Variants in FAAH2 observed in about 807,000 individuals in gnomAD.
FAAH2 encodes fatty acid amide hydrolase 2.
A neutral mutation model predicts 36.9 loss-of-function variants in FAAH2; 60 were observed. The observed-to-expected ratio is 1.63, with a 90% CI of 1.32 to 2.02. The LOEUF (loss-of-function observed/expected upper bound fraction) is 2.02, where lower values mean the gene tolerates loss of function less well. Among genes scored for constraint, FAAH2 ranks in the 30% most tolerant of loss-of-function variants. The pLI is 0.00. For missense variants in FAAH2, 689 were observed against 397.5 expected, an observed-to-expected ratio of 1.73 and a Z score of -6.23; for synonymous variants, 214 against 143.8, an observed-to-expected ratio of 1.49 and a Z score of -3.49.
In FAAH2 at chrX:57,406,430, G is replaced by A. The variant is rs752282722; in HGVS notation, c.996+25401G>A. On this transcript the variant is annotated intron_variant, in intron 7 of 10. Transcript: ENST00000374900. The stretch of plus-strand genomic sequence containing the variant: ...ATGCGTAAGAGCCAGCTTACCCTGG[G>A]GTACTCTAATGAATTATGGAAACAC... Among the ~76,000 whole-genome samples the A allele has an allele frequency of 3.6e-5, 4 of 111,610 alleles. No individual in the cohort carries two copies. The East Asian group carries it at 1.1e-3, about 32-fold the overall frequency.
At chrX:57,364,443 CTTT>C (rs1225398163) in intron 5 of FAAH2, among the ~76,000 whole-genome samples, 1 of 73,311 alleles carries the variant, frequency 1.4e-5, no homozygotes, top group Non-Finnish European at 2.6e-5. Context: ...GGATCTTCTC[CTTT>C]TTTTTTTTTT....
intron 10 of FAAH2, among the ~76,000 whole-genome samples, chrX:57,488,352 A>G (rs1249000856): frequency 2.7e-5 from 3 of 112,028 alleles, no homozygotes; most frequent in African/African-American, 9.7e-5. Flanking sequence ...ATTTAAGAAT[A>G]TATTATTCTA....
Position 57,488,868 on chromosome X carries a change from C to T in FAAH2, c.1535C>T (p.Thr512Ile). ...VVAGPFNDHL[T>I]LAVAQYLEKT... ...GCTGGACCCTTTAATGATCATCTGA[C>T]CCTGGCTGTGGCCCAGTACTTGGAG... Residue 512 changes from threonine to isoleucine, a missense_variant, in exon 11 of 11, where the codon ACC (threonine) becomes ATC (isoleucine). Thr to Ile is a moderately conservative substitution (Grantham distance 89, BLOSUM62 -1). Coordinates refer to ENST00000374900, the MANE Select transcript of FAAH2 (RefSeq NM_174912.4). 3.3e-6 allele frequency: 4 copies of T among 1,210,910 alleles called. No individual in the cohort carries two copies. Among genetic ancestry groups the T allele is most frequent in the African/African-American group, 1.7e-5 (1 of 57,588 alleles).
chrX:57,216,067 C>T, the FAAH2 span, among the ~76,000 whole-genome samples: 1 of 107,893 alleles, frequency 9.3e-6, no homozygotes, highest in Non-Finnish European at 1.9e-5. Context: ...AAATCAGAAA[C>T]GAAAATCCAT....
chrX:57,367,404 G>T (rs918909270), intron 5 of FAAH2, among the ~76,000 whole-genome samples: 1 of 112,203 alleles, frequency 8.9e-6, no homozygotes, highest in Non-Finnish European at 1.9e-5. Context: ...GCTAGTCATT[G>T]TATTCTTTAC....
chrX:57,448,339 A>G (rs1010549012), intron 9 of FAAH2, among the ~76,000 whole-genome samples, 185 bp from the exon 10 acceptor site: 2 of 112,635 alleles, frequency 1.8e-5, no homozygotes, highest in East Asian at 5.5e-4. Flanking sequence ...TAGAAATGTT[A>G]TATATAGCAT....
chrX:57,476,285 G>A, intron 10 of FAAH2, among the ~76,000 whole-genome samples: 1 of 111,018 alleles, frequency 9.0e-6, no homozygotes, highest in Admixed American at 9.7e-5. Context: ...GGGTTTCAAA[G>A]GGAATGCTTC....
chrX:57,220,384 C>A, the FAAH2 span, among the ~76,000 whole-genome samples: 2 of 110,708 alleles, frequency 1.8e-5, no homozygotes. Flanking sequence ...TGCCACCTTA[C>A]GCCTCTGTCT....
the FAAH2 span, among the ~76,000 whole-genome samples, chrX:57,171,634 C>T: frequency 9.0e-6 from 1 of 111,110 alleles, no homozygotes; most frequent in South Asian, 3.8e-4. Context: ...CTGATTTGTT[C>T]GAGTTCCTTG....
At chrX:57,388,145 A>G (rs1414067675) in intron 7 of FAAH2, among the ~76,000 whole-genome samples, 1 of 111,759 alleles carries the variant, frequency 8.9e-6, no homozygotes, top group Non-Finnish European at 1.9e-5. Context: ...AGGATTTAGT[A>G]TTCCAGAATT....
intron 9 of FAAH2, 117 bp from the exon 10 acceptor site, chrX:57,448,407 C>T: frequency 1.4e-6 from 1 of 707,818 alleles, no homozygotes; most frequent in Non-Finnish European, 2.0e-6. Flanking sequence ...TTTTCCATCA[C>T]TTACTTTCTC....
the FAAH2 span, among the ~76,000 whole-genome samples, chrX:57,156,164 A>G: frequency 8.9e-6 from 1 of 112,006 alleles, no homozygotes; most frequent in East Asian, 2.8e-4. Flanking sequence ...TCTGTTATTG[A>G]CACACATGCA....
the FAAH2 span, among the ~76,000 whole-genome samples, chrX:57,170,209 T>TCA: frequency 1.8e-5 from 2 of 112,060 alleles, no homozygotes; most frequent in African/African-American, 6.5e-5. Context: ...ATATGTGGAG[T>TCA]CACAGAGTAT....
At chrX:57,166,275 G>A in the FAAH2 span, among the ~76,000 whole-genome samples, 376 of 111,398 alleles carry the variant, frequency 3.4e-3, 1 homozygote, top group African/African-American at 0.012. Context: ...TGTGGGATCC[G>A]ATTTTTCTGG....
At chrX:57,327,857 A>G (rs989436269) in intron 3 of FAAH2, among the ~76,000 whole-genome samples, 2 of 111,868 alleles carry the variant, frequency 1.8e-5, no homozygotes, top group African/African-American at 3.3e-5. Flanking sequence ...GTCATTCTCC[A>G]TCCAGCTTTG....
At chrX:57,484,370 G>A (rs933268123) in intron 10 of FAAH2, among the ~76,000 whole-genome samples, 3 of 111,168 alleles carry the variant, frequency 2.7e-5, no homozygotes, top group South Asian at 3.9e-4. Context: ...GGGTGGCTGG[G>A]GGAACTCCTG....
At chrX:57,338,650 C>A (rs915175961) in intron 4 of FAAH2, among the ~76,000 whole-genome samples, 11 of 111,022 alleles carry the variant, frequency 9.9e-5, no homozygotes, top group Admixed American at 3.9e-4. Flanking sequence ...TGAATGAACT[C>A]CAAATCACAA....
chrX:57,378,141 G>T (rs947565753), intron 5 of FAAH2, among the ~76,000 whole-genome samples: 1 of 111,965 alleles, frequency 8.9e-6, no homozygotes, highest in African/African-American at 3.2e-5. Context: ...ATAAGCAGAG[G>T]AAATGGCATA....
In FAAH2 at chrX:57,467,181, G is replaced by A. The variant is rs189604081; in HGVS notation, c.1423+18463G>A. Among the ~76,000 whole-genome samples, 10 of 111,532 alleles carry A rather than the reference G, an allele frequency of 9.0e-5. No individual in the cohort carries two copies. The East Asian group carries it at 2.0e-3, about 22-fold the overall frequency. The stretch of plus-strand genomic sequence containing the variant: ...CACAGCTCCCAGCATGAGCGACGCA[G>A]AAGATGGGTGACTTCTGCATTTCCA... On this transcript the variant is annotated intron_variant, in intron 10 of 10. Coordinates refer to ENST00000374900, the MANE Select transcript of FAAH2 (RefSeq NM_174912.4).
Sources: allele counts gnomAD v4.1 joint callset (sites outside exome capture counted in the v4.1 genomes callset), GRCh38; gene constraint gnomAD v4.1.1; transcripts MANE v1.5; gene names NCBI Gene and HGNC (gene_info 2026-07-23, HGNC 2026-07-21).